The following U2SURP variants were observed in gnomAD, a reference collection of about 807,000 sequenced individuals.
The protein encoded by U2SURP is U2 snRNP associated SURP domain containing, also known as U2 snRNP-associated SURP motif-containing protein.
A neutral mutation model predicts 144.9 loss-of-function variants in U2SURP; 9 were observed. The observed-to-expected ratio is 0.06, with a 90% CI of 0.04 to 0.11. The LOEUF is 0.11. Ranked by LOEUF, U2SURP falls within the 10% of genes least tolerant of loss-of-function variation. The pLI is 1.00. For missense variants in U2SURP, 724 were observed against 1,226.7 expected, an observed-to-expected ratio of 0.59 and a Z score of 6.12; for synonymous variants, 408 against 396.8, an observed-to-expected ratio of 1.03 and a Z score of -0.33.
At chr3:143,006,195 G>C (rs34669121) in intron 1 of U2SURP, among the ~76,000 whole-genome samples, 1 of 152,146 alleles carries the variant, frequency 6.6e-6, no homozygotes, top group African/African-American at 2.4e-5. Flanking sequence ...AATCATCTTA[G>C]GTTTGTTATT....
intron 1 of U2SURP, among the ~76,000 whole-genome samples, chr3:143,004,573 A>AT (rs1935728792): frequency 2.1e-5 from 1 of 48,592 alleles, no homozygotes; most frequent in African/African-American, 1.2e-4. Flanking sequence ...TGACCTTGTG[A>AT]CCCCCCCCCC....
chr3:143,048,018 G>A (rs528671067), intron 24 of U2SURP, among the ~76,000 whole-genome samples: 29 of 152,362 alleles, frequency 1.9e-4, no homozygotes, highest in African/African-American at 7.0e-4. Context: ...AAGGTTGGAA[G>A]AGTAGAATAG....
chr3:143,049,978 G>GTGGT (rs1051461658), intron 24 of U2SURP, among the ~76,000 whole-genome samples: 1 of 152,122 alleles, frequency 6.6e-6, no homozygotes, highest in Non-Finnish European at 1.5e-5. Flanking sequence ...AAAGATGTAG[G>GTGGT]TGGTCTGTTT....
intron 1 of U2SURP, among the ~76,000 whole-genome samples, chr3:143,010,279 C>A (rs769680399): frequency 2.0e-5 from 3 of 152,220 alleles, no homozygotes; most frequent in Non-Finnish European, 4.4e-5. Flanking sequence ...GCTATCGAAT[C>A]ATCTCCCTTA....
At chr3:143,027,121 A>C (rs1560188170) in intron 13 of U2SURP, 28 bp from the exon 14 acceptor site, 1 of 1,562,154 alleles carries the variant, frequency 6.4e-7, no homozygotes, top group Admixed American at 1.7e-5. Flanking sequence ...GTCTGAATCC[A>C]TTTTCTTTAA....
rs1936031502 is a variant in U2SURP at position 143,009,813 on chromosome 3, A to G, written c.46-1002A>G. On this transcript the variant is annotated intron_variant, in intron 1 of 27. Coordinates refer to ENST00000473835, the MANE Select transcript of U2SURP (RefSeq NM_001080415.2). The stretch of plus-strand genomic sequence containing the variant: ...ACTGTATGGATCTTTGCTCTTTTTT[A>G]AATAACATGAATCTTCAGTTTTTCT... 2.0e-5 allele frequency among the ~76,000 whole-genome samples: 3 copies of G among 152,190 alleles called. No homozygotes were observed. In the South Asian group the frequency reaches 6.2e-4, roughly 32 times the overall value.
intron 2 of U2SURP, 45 bp downstream of exon 2, chr3:143,010,904 A>G: frequency 6.8e-7 from 1 of 1,468,442 alleles, no homozygotes; most frequent in African/African-American, 1.4e-5. Flanking sequence ...TTAAAATTTA[A>G]CTTCTCCTCA....
At chr3:143,025,331 G>C (rs745617355) in intron 13 of U2SURP, among the ~76,000 whole-genome samples, 36 of 152,120 alleles carry the variant, frequency 2.4e-4, no homozygotes, top group Non-Finnish European at 1.5e-4. Context: ...AATTTTGAGT[G>C]TGCGTTTTGC....
chr3:143,048,711 A>G (rs770472905), intron 24 of U2SURP, among the ~76,000 whole-genome samples: 1 of 152,126 alleles, frequency 6.6e-6, no homozygotes, highest in Non-Finnish European at 1.5e-5. Flanking sequence ...CAGCCTGGCC[A>G]ACATGGTGAA....
intron 12 of U2SURP, 114 bp from the exon 13 acceptor site, chr3:143,023,861 A>G: frequency 1.0e-6 from 1 of 967,916 alleles, no homozygotes. Flanking sequence ...GATTGCCTGC[A>G]AAACTTGTGA....
rs959351549 is a variant in U2SURP at position 143,058,527 on chromosome 3, A to G, written c.*2077A>G. 5.3e-5 allele frequency: 8 copies of G among 151,730 alleles called. No individual in the cohort carries two copies. The highest frequency in any genetic ancestry group is 1.7e-4 in the African/African-American group (7 of 41,340). 9.4% of individuals were successfully genotyped at this position (151,730 alleles called of 1,614,324 possible). A position where few individuals can be genotyped will look rare whatever the true frequency, so the allele number is the denominator to read the frequency against. The stretch of plus-strand genomic sequence containing the variant: ...GGATTTCTTAGGCCTGATAGAATAT[A>G]TATTCTGTGAAGTTTGTTAATGTAC... On this transcript the variant is annotated 3_prime_UTR_variant, in exon 28 of 28. Coordinates refer to ENST00000473835, the MANE Select transcript of U2SURP (RefSeq NM_001080415.2).
rs747698575 is a variant in U2SURP, at chr3:143,032,846, A to G, written c.1673A>G (p.Asp558Gly). The change falls in exon 17 of 28, where the codon GAT becomes GGT. Residue 558 changes from aspartate to glycine, a missense_variant. Physicochemically the swap from Asp to Gly is moderately conservative, Grantham distance 94 (BLOSUM62 -1). Around this residue, in one of 13 missense-constraint regions of U2SURP, gnomAD observed 66 missense variants for 95.0 expected, o/e 0.69. Transcript: ENST00000473835. ...GLTPRKNDIGDAMVFCLNNAE... is the reference protein window; with the variant it reads ...GLTPRKNDIGGAMVFCLNNAE... ...ACTCCAAGGAAAAATGATATTGGAG[A>G]TGCAATGGTTTTCTGTCTTAATAAT... 3.1e-6 allele frequency: 5 copies of G among 1,613,692 alleles called. No individual in the cohort carries two copies. Among genetic ancestry groups the G allele is most frequent in the Non-Finnish European group, 3.4e-6 (4 of 1,179,702 alleles).
At chr3:143,030,740 C>G (rs1243429781) in intron 16 of U2SURP, among the ~76,000 whole-genome samples, 1 of 152,098 alleles carries the variant, frequency 6.6e-6, no homozygotes, top group East Asian at 1.9e-4. Flanking sequence ...TTTATCATTC[C>G]AAATGCCATT....
chr3:143,018,012 A>G (rs948617698), intron 6 of U2SURP, among the ~76,000 whole-genome samples: 1 of 150,572 alleles, frequency 6.6e-6, no homozygotes, highest in Non-Finnish European at 1.5e-5. Context: ...GCTTGAGCCC[A>G]GGAGTTTGAG....
intron 16 of U2SURP, among the ~76,000 whole-genome samples, chr3:143,030,491 A>G (rs1187353994): frequency 6.6e-6 from 1 of 152,202 alleles, no homozygotes; most frequent in East Asian, 1.9e-4. Context: ...TTTTTTCAAA[A>G]TATTACTGCT....
intron 13 of U2SURP, 150 bp downstream of exon 13, chr3:143,024,168 C>CT: frequency 1.4e-6 from 1 of 695,130 alleles, no homozygotes; most frequent in Non-Finnish European, 2.5e-6. Flanking sequence ...TGAAATTTAA[C>CT]TAACTTTTGT....
intron 1 of U2SURP, chr3:143,002,098 C>T: frequency 4.4e-6 from 1 of 229,854 alleles, no homozygotes; most frequent in Non-Finnish European, 8.7e-6. Flanking sequence ...CACTCACTTC[C>T]GGCCTCCCTC....
Position 143,059,286 on chromosome 3 carries a change from C to T in U2SURP, c.*2836C>T, listed in dbSNP as rs557647045. The T allele has an allele frequency of 1.3e-5, 2 of 152,466 alleles. No individual in the cohort carries two copies. Among genetic ancestry groups the T allele is most frequent in the East Asian group, 1.9e-4 (1 of 5,186 alleles). The allele number at this position is 152,466 out of a possible 1,614,324, so 9.4% of individuals were successfully genotyped here. A position where few individuals can be genotyped will look rare whatever the true frequency, so the allele number is the denominator to read the frequency against. ...TCTGCTAAAGATGGCAGAAATTACT[C>T]TACACAGACCTGATTTTTCTTTATT... On this transcript the variant is annotated 3_prime_UTR_variant, in exon 28 of 28. Coordinates refer to ENST00000473835, the MANE Select transcript of U2SURP (RefSeq NM_001080415.2).
At chr3:143,026,292 T>G (rs1362706898) in intron 13 of U2SURP, 1 of 152,200 alleles carries the variant, frequency 6.6e-6, no homozygotes. Flanking sequence ...CACATATGTT[T>G]ATTTTTGGTA....
Sources: gnomAD v4.1 joint callset for allele counts (sites outside exome capture counted in the v4.1 genomes callset) on GRCh38, gnomAD v4.1.1 for gene constraint, gnomAD v4.1.1 regional missense constraint, MANE v1.5 for transcripts, NCBI Gene and HGNC (gene_info 2026-07-23, HGNC 2026-07-21) for gene names.